Variants in USP50 observed in about 807,000 individuals in gnomAD.
The protein encoded by USP50 is ubiquitin specific peptidase 50.
In USP50, 37 loss-of-function variants were observed where a neutral mutation model predicts 39.2. The observed-to-expected ratio is 0.94, with a 90% CI of 0.73 to 1.24. USP50 has a LOEUF of 1.24. Ranked by LOEUF, USP50 falls within the 50% of genes most tolerant of loss-of-function variation. The pLI is 0.00. For missense variants in USP50, 374 were observed against 398.2 expected (o/e 0.94, Z 0.52); for synonymous variants, 139 against 144.5 (o/e 0.96, Z 0.27).
At chr15:50,544,087 G>C (rs12443399) in intron 2 of USP50, 66,007 of 366,232 alleles carry the variant, frequency 0.18, 6,708 homozygotes, top group Admixed American at 0.3. Flanking sequence ...CAGCACTTTG[G>C]GGGGCCGAGG....
At position 50,535,162 on chromosome 15, in the gene USP50, C is replaced by CAA. The variant is rs1232404600; in HGVS notation, c.803+3546_803+3547insTT. Among the ~76,000 whole-genome samples the CAA allele has an allele frequency of 2.6e-4, 40 of 151,902 alleles. 1 individual carries two copies. The highest frequency in any genetic ancestry group is 9.7e-4 in the African/African-American group (40 of 41,312). ...ACACACACACACACACACACACACA[C>CAA]ACAAAAATTGATAGAAGTGCAAGGA... On this transcript the variant is annotated intron_variant, in intron 5 of 6. Coordinates refer to ENST00000532404, the MANE Select transcript of USP50 (RefSeq NM_203494.5).
chr15:50,534,632 T>C (rs76162552), intron 5 of USP50, among the ~76,000 whole-genome samples: 177 of 152,234 alleles, frequency 1.2e-3, no homozygotes, highest in African/African-American at 4.2e-3. Context: ...ACTTGAAATA[T>C]AAAGACACAC....
intron 6 of USP50, among the ~76,000 whole-genome samples, chr15:50,516,753 AT>A (rs2052806984): frequency 6.2e-3 from 7 of 1,128 alleles, no homozygotes; most frequent in Non-Finnish European, 0.023. Flanking sequence ...TGGTAGCTAT[AT>A]ATATATATAT....
intron 1 of USP50, 130 bp from the exon 2 acceptor site, chr15:50,544,911 C>A: frequency 1.1e-6 from 1 of 896,198 alleles, no homozygotes; most frequent in East Asian, 2.7e-5. Context: ...ACATTCCCTA[C>A]CAAGGACAGG....
intron 6 of USP50, among the ~76,000 whole-genome samples, chr15:50,525,568 ATATGTATATG>A (rs2052884399): frequency 8.2e-6 from 1 of 122,232 alleles, no homozygotes; most frequent in South Asian, 2.4e-4. Context: ...ATATATGTAT[ATATGTATATG>A]TATATATGTA....
Position 50,546,572 on chromosome 15 carries a change from C to G in USP50, c.-47G>C. The G allele has an allele frequency of 6.2e-7, 1 of 1,602,650 alleles. No homozygotes were observed. The highest frequency in any genetic ancestry group is 1.3e-5 in the African/African-American group (1 of 74,798). ...TTTTGCTTCTATTCAGGAGCTACAT[C>G]TATTCCTTTCAACTTCATTTCTCTG... On this transcript the variant is annotated 5_prime_UTR_variant, in exon 1 of 7. Transcript: ENST00000532404.
intron 6 of USP50, among the ~76,000 whole-genome samples, chr15:50,517,980 G>C (rs768581373): frequency 3.3e-5 from 5 of 152,156 alleles, no homozygotes; most frequent in Admixed American, 1.3e-4. Flanking sequence ...GATTAATGAC[G>C]TGAGTCATCA....
chr15:50,533,480 A>G (rs1377307170), intron 5 of USP50, among the ~76,000 whole-genome samples: 7 of 152,176 alleles, frequency 4.6e-5, no homozygotes, highest in African/African-American at 1.2e-4. Flanking sequence ...TGGGGGGGAA[A>G]AAAACACACC....
chr15:50,546,465 A>C lies in USP50; in HGVS notation c.53+8T>G, dbSNP rs1213724766. On this transcript the variant is annotated splice_region_variant and intron_variant, in intron 1 of 6. Transcript: ENST00000532404. ...TAATCTAGAAAGCTGTAGTAGATCA[A>C]GGCTCACAGGACGTGGTAGATATCG... The C allele has an allele frequency of 6.2e-6, 10 of 1,613,472 alleles. No homozygotes were observed. Among genetic ancestry groups the C allele is most frequent in the African/African-American group, 1.3e-5 (1 of 75,058 alleles).
At chr15:50,497,742 G>C (rs1489727655), downstream of USP50, 1 of 152,136 alleles carries the variant, frequency 6.6e-6, no homozygotes, top group Non-Finnish European at 1.5e-5. Context: ...ACACGAACCA[G>C]ATCTTTTGCT....
intron 5 of USP50, among the ~76,000 whole-genome samples, chr15:50,532,485 C>G (rs1213993149): frequency 6.6e-6 from 1 of 152,062 alleles, no homozygotes; most frequent in Non-Finnish European, 1.5e-5. Flanking sequence ...AGACCGAGAC[C>G]CACTCATAGG....
chr15:50,536,679 AAC>A (rs1391114710), intron 5 of USP50, among the ~76,000 whole-genome samples: 13 of 152,294 alleles, frequency 8.5e-5, no homozygotes, highest in African/African-American at 2.9e-4. Context: ...ATTAAAAAAA[AAC>A]ACAATACCAT....
chr15:50,536,631 A>G (rs747210187), intron 5 of USP50, among the ~76,000 whole-genome samples: 1 of 152,068 alleles, frequency 6.6e-6, no homozygotes, highest in Non-Finnish European at 1.5e-5. Flanking sequence ...ACAGAGCAAG[A>G]CTCCATCTCA....
chr15:50,527,842 T>C (rs1338274445), intron 6 of USP50, among the ~76,000 whole-genome samples: 1 of 151,404 alleles, frequency 6.6e-6, no homozygotes, highest in African/African-American at 2.4e-5. Context: ...TCACCATGTT[T>C]GCCAGGCTGG....
chr15:50,545,009 G>A (rs1008265929), intron 1 of USP50, among the ~76,000 whole-genome samples: 2 of 152,088 alleles, frequency 1.3e-5, no homozygotes, highest in Non-Finnish European at 2.9e-5. Context: ...AGGCCGAGGT[G>A]GGAGGATTGC....
At chr15:50,539,623 C>T (rs952825554) in intron 4 of USP50, among the ~76,000 whole-genome samples, 2 of 151,642 alleles carry the variant, frequency 1.3e-5, no homozygotes, top group Admixed American at 6.6e-5. Flanking sequence ...ACCATGTTGG[C>T]CGGGATAGTC....
At chr15:50,521,473 A>G (rs1175161266) in intron 6 of USP50, among the ~76,000 whole-genome samples, 2 of 152,254 alleles carry the variant, frequency 1.3e-5, no homozygotes, top group African/African-American at 4.8e-5. Context: ...ATCTAACATT[A>G]CATCCCAAGG....
intron 5 of USP50, chr15:50,532,195 C>T (rs756995707): frequency 1.8e-5 from 8 of 456,088 alleles, no homozygotes; most frequent in African/African-American, 8.0e-5. Context: ...CACACTCGCA[C>T]GGTAAATATT....
chr15:50,541,410 G>T, intron 3 of USP50, 146 bp from the exon 4 acceptor site: 1 of 659,982 alleles, frequency 1.5e-6, no homozygotes, highest in Non-Finnish European at 2.6e-6. Flanking sequence ...CTACTTGGGA[G>T]GTTGAGGTTG....
Sources: gnomAD v4.1 joint callset for allele counts (sites outside exome capture counted in the v4.1 genomes callset) on GRCh38, gnomAD v4.1.1 for gene constraint, MANE v1.5 for transcripts, NCBI Gene and HGNC (gene_info 2026-07-23, HGNC 2026-07-21) for gene names.